Variants in ARHGAP32 observed in about 807,000 individuals in gnomAD.
ARHGAP32 encodes the protein rho GTPase-activating protein 32.
Under a neutral mutation model 186.5 loss-of-function variants are expected in ARHGAP32, and 51 were observed. The ratio of observed to expected loss-of-function variants is 0.27; its 90% CI spans 0.22 to 0.35. The LOEUF (loss-of-function observed/expected upper bound fraction) is 0.35, where lower values mean the gene tolerates loss of function less well. Ranked by LOEUF, ARHGAP32 falls within the 10% of genes least tolerant of loss-of-function variation. ARHGAP32 has a pLI of 1.00. For missense variants in ARHGAP32, 2,186 were observed against 2,623.5 expected (o/e 0.83, Z 3.64); for synonymous variants, 950 against 964.3 (o/e 0.99, Z 0.27).
At chr11:129,249,380 A>G (rs1186824693) in intron 1 of ARHGAP32, among the ~76,000 whole-genome samples, 3 of 152,208 alleles carry the variant, frequency 2.0e-5, no homozygotes, top group Admixed American at 6.5e-5. Context: ...TCAACTCAGA[A>G]GTATCAATTC....
At chr11:129,209,438 T>C (rs937165237) in intron 1 of ARHGAP32, among the ~76,000 whole-genome samples, 45 of 150,376 alleles carry the variant, frequency 3.0e-4, no homozygotes, top group African/African-American at 1.0e-3. Flanking sequence ...AAGTAAGATA[T>C]ATAAAAAAAA....
chr11:129,234,592 A>C (rs1166566399), intron 1 of ARHGAP32, among the ~76,000 whole-genome samples: 1 of 152,170 alleles, frequency 6.6e-6, no homozygotes, highest in East Asian at 1.9e-4. Context: ...TGGCAAAAAT[A>C]CATATACTGT....
At chr11:129,257,658 A>G (rs1165998281) in intron 1 of ARHGAP32, among the ~76,000 whole-genome samples, 2 of 150,636 alleles carry the variant, frequency 1.3e-5, no homozygotes, top group Non-Finnish European at 3.0e-5. Flanking sequence ...ACATTGAATA[A>G]GTTTTCTAAA....
rs1181960846 is a variant in ARHGAP32, at chr11:128,985,854, GTGTGTATATATA to G, written c.1526+137_1526+148del. On this transcript the variant is annotated intron_variant, in intron 15 of 22. Coordinates refer to ENST00000682385, the MANE Select transcript of ARHGAP32 (RefSeq NM_001378024.1). ...TGCGTGTGTGTGTGTGTGTGTGTGT[GTGTGTATATATA>G]TATATATATATATATATATGAAATG... 7 of 120,384 alleles carry G rather than the reference GTGTGTATATATA, an allele frequency of 5.8e-5. 1 individual carries two copies. The highest frequency in any genetic ancestry group is 4.0e-4 in the Admixed American group (4 of 9,956). 7.5% of individuals were successfully genotyped at this position (120,384 alleles called of 1,614,324 possible). A position where few individuals can be genotyped will look rare whatever the true frequency, so the allele number is the denominator to read the frequency against.
Position 129,121,454 on chromosome 11 carries a change from C to T in ARHGAP32, c.444+1992G>A, listed in dbSNP as rs1002889478. Among the ~76,000 whole-genome samples, 8 of 152,128 alleles carry T rather than the reference C, an allele frequency of 5.3e-5. 1 individual carries two copies. The highest frequency in any genetic ancestry group is 2.0e-4 in the Admixed American group (3 of 15,254). On this transcript the variant is annotated intron_variant, in intron 5 of 22. Coordinates refer to ENST00000682385, the MANE Select transcript of ARHGAP32 (RefSeq NM_001378024.1). ...AGTCTCCAAAGACACAGAACAGAGG[C>T]AGGACAAAACTGGGCAGGAGAGCTG...
In ARHGAP32 at chr11:129,030,065, C is replaced by T. The variant is rs1404069245; in HGVS notation, c.1045+10863G>A. On this transcript the variant is annotated intron_variant, in intron 11 of 22. Transcript: ENST00000682385. ...GAGAAAGCTTCCCAAGGCACTTTAG[C>T]ATTTTAGTACTCCTTTGACTCTTTC... is the stretch of plus-strand genomic sequence containing the variant. Among the ~76,000 whole-genome samples, 6 of 152,248 alleles carry T rather than the reference C, an allele frequency of 3.9e-5. No individual in the cohort carries two copies. In the East Asian group the frequency reaches 9.7e-4, roughly 25 times the overall value.
chr11:129,247,841 T>A (rs1380655681), intron 1 of ARHGAP32, among the ~76,000 whole-genome samples: 1 of 152,200 alleles, frequency 6.6e-6, no homozygotes, highest in Non-Finnish European at 1.5e-5. Context: ...AATGGGCTGA[T>A]CCCTCTATGG....
intron 9 of ARHGAP32, among the ~76,000 whole-genome samples, chr11:129,062,732 T>C (rs899212734): frequency 6.6e-6 from 1 of 152,182 alleles, no homozygotes; most frequent in Non-Finnish European, 1.5e-5. Flanking sequence ...TAATTTTAAA[T>C]ATTCATGTTT....
intron 22 of ARHGAP32, chr11:128,972,007 A>C (rs2043877901): frequency 6.5e-6 from 1 of 153,042 alleles, no homozygotes; most frequent in Admixed American, 6.5e-5. Flanking sequence ...CAGTCTTACG[A>C]ATGTTTTGAG....
chr11:129,279,266 C>G (rs906021938), exon 1 of ARHGAP32: 3 of 144,310 alleles, frequency 2.1e-5, no homozygotes, highest in South Asian at 3.7e-4. Flanking sequence ...CCGAGCGCCG[C>G]CCGCGCCGCC....
intron 6 of ARHGAP32, among the ~76,000 whole-genome samples, chr11:129,083,095 T>A (rs1029055617): frequency 2.0e-5 from 3 of 152,040 alleles, no homozygotes; most frequent in Admixed American, 2.0e-4. Flanking sequence ...AATAAAAAAA[T>A]AACATGTTGG....
intron 1 of ARHGAP32, among the ~76,000 whole-genome samples, chr11:129,182,595 GCCTT>G (rs1437016218): frequency 4.0e-5 from 6 of 149,902 alleles, no homozygotes; most frequent in African/African-American, 9.8e-5. Context: ...AGTTCAAAAT[GCCTT>G]CCTATTATAA....
intron 10 of ARHGAP32, among the ~76,000 whole-genome samples, chr11:129,044,978 G>A (rs1219246195): frequency 6.6e-6 from 1 of 152,006 alleles, no homozygotes; most frequent in African/African-American, 2.4e-5. Flanking sequence ...ACATACATTA[G>A]TTACATTTTC....
intron 1 of ARHGAP32, among the ~76,000 whole-genome samples, chr11:129,187,137 G>A (rs1484627559): frequency 6.6e-6 from 1 of 152,074 alleles, no homozygotes; most frequent in African/African-American, 2.4e-5. Flanking sequence ...TGGATGAATG[G>A]ATAAAGAAAA....
chr11:129,106,057 A>G (rs1942039133), intron 5 of ARHGAP32, among the ~76,000 whole-genome samples: 1 of 152,224 alleles, frequency 6.6e-6, no homozygotes, highest in African/African-American at 2.4e-5. Context: ...GGAATTGCTT[A>G]TATACTGTTG....
chr11:128,995,581 G>A (rs151288935), intron 12 of ARHGAP32, among the ~76,000 whole-genome samples: 1,771 of 152,320 alleles, frequency 0.012, 33 homozygotes, highest in African/African-American at 0.04. Context: ...GCTCACGCCT[G>A]TAATCCCAGC....
At chr11:128,986,395 G>GT (rs1374632808) in intron 14 of ARHGAP32, 129 bp downstream of exon 14, 2 of 1,010,276 alleles carry the variant, frequency 2.0e-6, no homozygotes, top group East Asian at 2.6e-5. Flanking sequence ...GGCAATATTT[G>GT]TTTTTTTAAG....
chr11:129,189,291 C>T (rs1307866435), intron 1 of ARHGAP32, among the ~76,000 whole-genome samples: 1 of 152,114 alleles, frequency 6.6e-6, no homozygotes. Context: ...TTTTGCTCCA[C>T]CATGACAAAT....
At chr11:129,278,946 C>G (rs1945571901) in intron 1 of ARHGAP32, among the ~76,000 whole-genome samples, 1 of 147,298 alleles carries the variant, frequency 6.8e-6, no homozygotes, top group South Asian at 2.1e-4. Context: ...GGTGGGCCCG[C>G]AGCGCCGTCC....
Sources: allele counts gnomAD v4.1 joint callset (sites outside exome capture counted in the v4.1 genomes callset), GRCh38; gene constraint gnomAD v4.1.1; transcripts MANE v1.5; gene names NCBI Gene and HGNC (gene_info 2026-07-23, HGNC 2026-07-21).